LONP2: variants seen among roughly 807,000 people sequenced by gnomAD.
LONP2 encodes the protein lon peptidase 2, peroxisomal.
In LONP2, 60 loss-of-function variants were observed where a neutral mutation model predicts 85.6. The ratio of observed to expected loss-of-function variants is 0.70; its 90% CI spans 0.57 to 0.87. The LOEUF is 0.87. LONP2 is among the 40% of genes least tolerant of loss of function. The pLI, the probability that LONP2 is intolerant of heterozygous loss-of-function variation, is 0.00. For synonymous variants in LONP2, 395 were observed against 389.7 expected, an observed-to-expected ratio of 1.01 and a Z score of -0.16; for missense variants, 860 against 1,063.5, an observed-to-expected ratio of 0.81 and a Z score of 2.66.
chr16:48,357,147 G>A lies in LONP2; in HGVS notation c.*5345G>A, dbSNP rs1009012885. 1.3e-5 allele frequency: 2 copies of A among 152,110 alleles called. No individual in the cohort carries two copies. The highest frequency in any genetic ancestry group is 2.4e-5 in the African/African-American group (1 of 41,412). 9.4% of individuals were successfully genotyped at this position (152,110 alleles called of 1,614,324 possible). A position where few individuals can be genotyped will look rare whatever the true frequency, so the allele number is the denominator to read the frequency against. The stretch of plus-strand genomic sequence containing the variant: ...CATCTAGCCTTCCTCATTCCCTTAC[G>A]CAGTGGACATCATACCCTTTTGTGG... On this transcript the variant is annotated 3_prime_UTR_variant, in exon 15 of 15. Transcript: ENST00000285737.
At chr16:48,249,539 G>C (rs1482927558) in intron 1 of LONP2, among the ~76,000 whole-genome samples, 1 of 152,122 alleles carries the variant, frequency 6.6e-6, no homozygotes, top group East Asian at 1.9e-4. Context: ...CAGGTACTCT[G>C]TTTCTAGCCA....
At chr16:48,265,721 T>C (rs1359607131) in intron 6 of LONP2, among the ~76,000 whole-genome samples, 1 of 152,234 alleles carries the variant, frequency 6.6e-6, no homozygotes, top group Non-Finnish European at 1.5e-5. Context: ...TAATTTCTTA[T>C]TAATTTTAGG....
chr16:48,327,832 A>G (rs1959292140), intron 11 of LONP2, among the ~76,000 whole-genome samples: 1 of 152,226 alleles, frequency 6.6e-6, no homozygotes, highest in African/African-American at 2.4e-5. Flanking sequence ...CTTATATGAA[A>G]TATAATAGTG....
At position 48,353,717 on chromosome 16, in the gene LONP2, CA is replaced by C. The variant is rs1960231272; in HGVS notation, c.*1918del. On this transcript the variant is annotated 3_prime_UTR_variant, in exon 15 of 15. Coordinates refer to ENST00000285737, the MANE Select transcript of LONP2 (RefSeq NM_031490.5). ...AACGTCATCTAACTGGGGACTAGAACAAACTGTGAATTCACTTTCAGCAACC... is the reference window on the plus strand; with the variant it reads ...AACGTCATCTAACTGGGGACTAGAACAACTGTGAATTCACTTTCAGCAACC... 6.6e-6 allele frequency: 1 copy of C among 152,026 alleles called. No homozygotes were observed. Among genetic ancestry groups the C allele is most frequent in the African/African-American group, 2.4e-5 (1 of 41,382 alleles). 9.4% of individuals were successfully genotyped at this position (152,026 alleles called of 1,614,324 possible).
intron 11 of LONP2, among the ~76,000 whole-genome samples, chr16:48,311,962 A>G (rs556067914): frequency 6.7e-6 from 1 of 148,452 alleles, no homozygotes; most frequent in Non-Finnish European, 1.5e-5. Context: ...TTTTTCTGAG[A>G]CAGAGTTTTA....
chr16:48,307,190 G>A (rs1002824897), intron 11 of LONP2, among the ~76,000 whole-genome samples: 1 of 152,182 alleles, frequency 6.6e-6, no homozygotes, highest in Non-Finnish European at 1.5e-5. Context: ...GTTAGCGGAG[G>A]AACATTTATG....
chr16:48,314,694 T>C lies in LONP2; in HGVS notation c.1795+11389T>C, dbSNP rs151247762. Among the ~76,000 whole-genome samples, 287 of 152,336 alleles carry C rather than the reference T, an allele frequency of 1.9e-3. 1 individual carries two copies. Among genetic ancestry groups the C allele is most frequent in the African/African-American group, 6.6e-3 (274 of 41,590 alleles). ...TTCTTAAATAAGTTTTTTAAGAGTT[T>C]TGATCATTTTCTGTGGCACACTTTT... is the stretch of plus-strand genomic sequence containing the variant. On this transcript the variant is annotated intron_variant, in intron 11 of 14. Coordinates refer to ENST00000285737, the MANE Select transcript of LONP2 (RefSeq NM_031490.5).
At chr16:48,336,349 A>C (rs996696888) in intron 12 of LONP2, 11 of 456,184 alleles carry the variant, frequency 2.4e-5, no homozygotes, top group Non-Finnish European at 4.4e-5. Context: ...TTTTACCAAC[A>C]TGAGTCTGCA....
intron 5 of LONP2, 44 bp downstream of exon 5, chr16:48,261,631 G>T: frequency 7.1e-7 from 1 of 1,402,558 alleles, no homozygotes; most frequent in South Asian, 1.6e-5. Context: ...TTCATTCTTG[G>T]TACTCCTGAT....
intron 8 of LONP2, among the ~76,000 whole-genome samples, chr16:48,281,787 G>A (rs915013010): frequency 2.0e-5 from 3 of 152,012 alleles, no homozygotes; most frequent in Non-Finnish European, 4.4e-5. Context: ...TACTTAATTC[G>A]AATTAGATCC....
intron 8 of LONP2, among the ~76,000 whole-genome samples, chr16:48,280,429 A>G (rs757872191): frequency 6.6e-6 from 1 of 152,210 alleles, no homozygotes; most frequent in Non-Finnish European, 1.5e-5. Flanking sequence ...GATAAACAAT[A>G]TGTTTTAGGT....
At chr16:48,361,515 T>TG (rs544369413), downstream of LONP2, 710 of 1,544,268 alleles carry the variant, frequency 4.6e-4, 1 homozygote, top group Admixed American at 6.2e-4. Context: ...GGCAGACAGA[T>TG]GGGTGCCTTA....
chr16:48,278,790 C>T (rs995202249), intron 8 of LONP2, among the ~76,000 whole-genome samples: 1 of 151,996 alleles, frequency 6.6e-6, no homozygotes, highest in Non-Finnish European at 1.5e-5. Context: ...TCTTTGAATT[C>T]TTCCTGTTCT....
At chr16:48,257,118 C>T (rs1207690472) in intron 3 of LONP2, among the ~76,000 whole-genome samples, 1 of 152,062 alleles carries the variant, frequency 6.6e-6, no homozygotes, top group Non-Finnish European at 1.5e-5. Flanking sequence ...TCGAGACCAG[C>T]CTGGCCAACA....
At chr16:48,304,764 G>T (rs998815708) in intron 11 of LONP2, among the ~76,000 whole-genome samples, 1 of 152,056 alleles carries the variant, frequency 6.6e-6, no homozygotes, top group Non-Finnish European at 1.5e-5. Flanking sequence ...AACTGTAAGG[G>T]GTCTCAGTTC....
rs559540170 is a variant in LONP2 at position 48,296,958 on chromosome 16, A to G, written c.1534+793A>G. On this transcript the variant is annotated intron_variant, in intron 9 of 14. Coordinates refer to ENST00000285737, the MANE Select transcript of LONP2 (RefSeq NM_031490.5). ...TCAGAATTGTTTTTCCCTGGAAGAG[A>G]TCAAATATCACTGAGTTTTTTTTTA... Among the ~76,000 whole-genome samples the G allele has an allele frequency of 2.8e-4, 42 of 152,174 alleles. 1 individual carries two copies. Among genetic ancestry groups the G allele is most frequent in the South Asian group, 1.0e-3 (5 of 4,818 alleles).
intron 11 of LONP2, among the ~76,000 whole-genome samples, chr16:48,329,825 G>C (rs1959381072): frequency 6.6e-6 from 1 of 152,210 alleles, no homozygotes; most frequent in Non-Finnish European, 1.5e-5. Flanking sequence ...TTACCAGTTA[G>C]ATATGCCATG....
chr16:48,317,988 G>A lies in LONP2; in HGVS notation c.1795+14683G>A, dbSNP rs148182879. Among the ~76,000 whole-genome samples, 608 of 152,132 alleles carry A rather than the reference G, an allele frequency of 4.0e-3. 4 individuals carry two copies. The highest frequency in any genetic ancestry group is 0.013 in the African/African-American group (553 of 41,520). On this transcript the variant is annotated intron_variant, in intron 11 of 14. Transcript: ENST00000285737. ...GTGAAATCAACCTAATGTAGTGGAA[G>A]GAAGTAGGTATTACATCCTTAATTC...
intron 2 of LONP2, 22 bp from the exon 3 acceptor site, chr16:48,256,588 A>G (rs1219899360): frequency 1.2e-6 from 2 of 1,607,020 alleles, no homozygotes; most frequent in Admixed American, 1.7e-5. Flanking sequence ...TTCATTTAAA[A>G]GACTTTTTTT....
Sources: allele counts gnomAD v4.1 joint callset (sites outside exome capture counted in the v4.1 genomes callset), GRCh38; gene constraint gnomAD v4.1.1; transcripts MANE v1.5; gene names NCBI Gene and HGNC (gene_info 2026-07-23, HGNC 2026-07-21).